Variants in C4BPA observed in about 807,000 individuals in gnomAD.
The protein encoded by C4BPA is C4b-binding protein alpha chain.
In C4BPA, 31 loss-of-function variants were observed where a neutral mutation model predicts 63.7. That is an observed-to-expected ratio of 0.49 (90% CI 0.37 to 0.66). C4BPA has a LOEUF of 0.66. C4BPA is among the 30% of genes least tolerant of loss of function. The pLI, the probability that C4BPA is intolerant of heterozygous loss-of-function variation, is 0.00. For missense variants in C4BPA, 572 were observed against 723.3 expected (o/e 0.79, Z 2.40); for synonymous variants, 259 against 254.7 (o/e 1.02, Z -0.16).
chr1:207,129,939 A>G (rs1685126373), intron 7 of C4BPA, among the ~76,000 whole-genome samples: 1 of 152,146 alleles, frequency 6.6e-6, no homozygotes, highest in Non-Finnish European at 1.5e-5. Context: ...TTTCTGTACT[A>G]TAATACAGCT....
chr1:207,126,629 T>TTGTA, intron 6 of C4BPA, 84 bp from the exon 7 acceptor site: 4 of 988,430 alleles, frequency 4.0e-6, no homozygotes, highest in Non-Finnish European at 6.1e-6. Context: ...TGTGTTGCAC[T>TTGTA]TGTAACTGGA....
chr1:207,129,328 G>C (rs545333482), intron 7 of C4BPA, among the ~76,000 whole-genome samples: 2 of 149,910 alleles, frequency 1.3e-5, no homozygotes, highest in East Asian at 3.9e-4. Flanking sequence ...TATGTATAAT[G>C]AGAGTCCCAG....
In C4BPA at chr1:207,119,388, C is replaced by T. The variant is rs535348463; in HGVS notation, c.428+3873C>T. 2.1e-5 allele frequency among the ~76,000 whole-genome samples: 2 copies of T among 93,224 alleles called. 1 individual carries two copies. Among genetic ancestry groups the T allele is most frequent in the African/African-American group, 6.0e-5 (2 of 33,378 alleles). The allele number at this position is 93,224 out of a possible 152,430, so 61.2% of individuals were successfully genotyped here. A position where few individuals can be genotyped will look rare whatever the true frequency, so the allele number is the denominator to read the frequency against. On this transcript the variant is annotated intron_variant, in intron 4 of 11. Coordinates refer to ENST00000367070, the MANE Select transcript of C4BPA (RefSeq NM_000715.4). ...TCTTTTATGGGCCATACTAACTTGG[C>T]ATTATGTATGGAAGATAATTCTGGG...
intron 4 of C4BPA, among the ~76,000 whole-genome samples, chr1:207,123,549 C>G (rs1247693362): frequency 6.6e-6 from 1 of 152,162 alleles, no homozygotes; most frequent in Non-Finnish European, 1.5e-5. Flanking sequence ...ACCTGGAAGT[C>G]AGAGGAAGCT....
intron 11 of C4BPA, 21 bp from the exon 12 acceptor site, chr1:207,144,523 C>T: frequency 6.4e-7 from 1 of 1,573,660 alleles, no homozygotes; most frequent in Non-Finnish European, 8.6e-7. Flanking sequence ...CTCAATCACA[C>T]CCACCACTTA....
intron 4 of C4BPA, among the ~76,000 whole-genome samples, chr1:207,121,159 A>G (rs1487983904): frequency 6.6e-6 from 1 of 152,222 alleles, no homozygotes; most frequent in South Asian, 2.1e-4. Context: ...GCTTGTCTTT[A>G]TATACCTTAA....
chr1:207,136,693 C>T (rs1211798393), intron 9 of C4BPA, among the ~76,000 whole-genome samples: 1 of 152,184 alleles, frequency 6.6e-6, no homozygotes, highest in Non-Finnish European at 1.5e-5. Context: ...GAGTGAAGGG[C>T]ATGCCATTTC....
At chr1:207,110,346 T>G (rs973622157) in intron 1 of C4BPA, among the ~76,000 whole-genome samples, 13 of 152,174 alleles carry the variant, frequency 8.5e-5, no homozygotes, top group Admixed American at 5.9e-4. Flanking sequence ...TTGTCCAGGA[T>G]AGCTGGAGCC....
chr1:207,142,105 T>C (rs951809737), intron 10 of C4BPA, among the ~76,000 whole-genome samples: 1 of 147,568 alleles, frequency 6.8e-6, no homozygotes, highest in Admixed American at 6.8e-5. Context: ...GTGTGTGATG[T>C]TCCCCTCCCT....
chr1:207,122,911 G>A (rs1178568948), intron 4 of C4BPA, among the ~76,000 whole-genome samples: 1 of 152,104 alleles, frequency 6.6e-6, no homozygotes, highest in African/African-American at 2.4e-5. Context: ...GTTCTACTTG[G>A]ATTCCTTCTT....
At chr1:207,106,140 G>A (rs1257022386) in intron 1 of C4BPA, among the ~76,000 whole-genome samples, 1 of 152,160 alleles carries the variant, frequency 6.6e-6, no homozygotes, top group Non-Finnish European at 1.5e-5. Context: ...CAGCTCGCAA[G>A]TTCTAGCCTC....
In C4BPA at chr1:207,113,122, C is replaced by A. The variant is rs116810489; in HGVS notation, c.97C>A (p.Leu33Ile). Residue 33 changes from leucine to isoleucine, a missense_variant, in exon 2 of 12, where the codon CTC (leucine) becomes ATC (isoleucine). Transcript: ENST00000367070. ...GCTGTGGAAAGTCTCTGATCCAATT[C>A]TCTTCCAAATGACCTTGATCGCTGC... is the stretch of plus-strand genomic sequence containing the variant. ...SRLWKVSDPILFQMTLIAALL... is the reference protein window; with the variant it reads ...SRLWKVSDPIIFQMTLIAALL... The A allele has an allele frequency of 1.9e-6, 3 of 1,611,428 alleles. No individual in the cohort carries two copies. The highest frequency in any genetic ancestry group is 1.6e-4 in the Middle Eastern group (1 of 6,080).
In C4BPA at chr1:207,115,479, C is replaced by A; in HGVS notation, c.392C>A (p.Ser131Tyr). Residue 131 changes from serine to tyrosine, a missense_variant, in exon 4 of 12, where the codon TCT (serine) becomes TAT (tyrosine). Around this residue, in one of 2 missense-constraint regions of C4BPA, gnomAD observed 465 missense variants for 629.4 expected, o/e 0.74. Transcript: ENST00000367070. ...NGQVEIKTDL[S>Y]FGSQIEFSCS... ...CAAGTAGAGATTAAGACAGATTTAT[C>A]TTTTGGATCACAAATAGAATTCAGC... 6.3e-7 allele frequency: 1 copy of A among 1,596,180 alleles called. No homozygotes were observed. Among genetic ancestry groups the A allele is most frequent in the South Asian group, 1.1e-5 (1 of 87,846 alleles).
intron 9 of C4BPA, among the ~76,000 whole-genome samples, chr1:207,138,426 G>A (rs1326718296): frequency 1.2e-4 from 18 of 152,210 alleles, no homozygotes; most frequent in Non-Finnish European, 2.9e-5. Flanking sequence ...AATGTTGGGA[G>A]CTTTCTCTAT....
Position 207,144,936 on chromosome 1 carries a change from A to AT in C4BPA, c.*227dup. ...TTGCTTTTCAACACACAAAGCACAA[A>AT]TTTTTTTTCGATTAAAAATGTATGT... is the stretch of plus-strand genomic sequence containing the variant. On this transcript the variant is annotated 3_prime_UTR_variant, in exon 12 of 12. Transcript: ENST00000367070. 2.4e-5 allele frequency: 7 copies of AT among 296,072 alleles called. No individual in the cohort carries two copies. The highest frequency in any genetic ancestry group is 3.1e-5 in the Non-Finnish European group (5 of 162,228). 18.3% of individuals were successfully genotyped at this position (296,072 alleles called of 1,614,324 possible).
chr1:207,119,912 C>G (rs1379642925), intron 4 of C4BPA, among the ~76,000 whole-genome samples: 2 of 152,230 alleles, frequency 1.3e-5, no homozygotes, highest in Non-Finnish European at 2.9e-5. Context: ...GTCGTTGGTT[C>G]CTTGCCCAAT....
chr1:207,113,005 A>G lies in C4BPA; in HGVS notation c.-21A>G. On this transcript the variant is annotated 5_prime_UTR_variant, in exon 2 of 12. Transcript: ENST00000367070. Reference sequence around the variant, plus strand: ...TAAATTGAGTTCTTTCAGCAGAAAAACATCAGCGAAGCAGCAGGCCATGCA... The same window carrying G: ...TAAATTGAGTTCTTTCAGCAGAAAAGCATCAGCGAAGCAGCAGGCCATGCA... 1 of 1,555,188 alleles carries G rather than the reference A, an allele frequency of 6.4e-7. No homozygotes were observed. Among genetic ancestry groups the G allele is most frequent in the Non-Finnish European group, 8.6e-7 (1 of 1,159,304 alleles).
chr1:207,112,891 C>T lies in C4BPA; in HGVS notation c.-25-110C>T, dbSNP rs937130950. 54 of 1,037,008 alleles carry T rather than the reference C, an allele frequency of 5.2e-5. No individual in the cohort carries two copies. In the East Asian group the frequency reaches 1.4e-3, roughly 28 times the overall value. The allele number at this position is 1,037,008 out of a possible 1,614,324, so 64.2% of individuals were successfully genotyped here. On this transcript the variant is annotated intron_variant, in intron 1 of 11. Coordinates refer to ENST00000367070, the MANE Select transcript of C4BPA (RefSeq NM_000715.4). ...CTCAGGGGTTTTTTTGTTTTGTTTC[C>T]ACTCCAGGCTGTCATTTCCTTGAAG... is the stretch of plus-strand genomic sequence containing the variant.
intron 8 of C4BPA, among the ~76,000 whole-genome samples, chr1:207,132,990 A>G (rs751336564): frequency 7.9e-5 from 12 of 152,256 alleles, no homozygotes; most frequent in Non-Finnish European, 1.5e-4. Flanking sequence ...ATGCCACTGC[A>G]TTCCAGCCTG....
Sources: gnomAD v4.1 joint callset for allele counts (sites outside exome capture counted in the v4.1 genomes callset) on GRCh38, gnomAD v4.1.1 for gene constraint, gnomAD v4.1.1 regional missense constraint, MANE v1.5 for transcripts, NCBI Gene and HGNC (gene_info 2026-07-23, HGNC 2026-07-21) for gene names.